Variants in ENTHD1 observed in about 807,000 individuals in gnomAD.
The protein encoded by ENTHD1 is ENTH domain-containing protein 1.
A neutral mutation model predicts 39.1 loss-of-function variants in ENTHD1; 23 were observed. The observed-to-expected ratio is 0.59, with a 90% CI of 0.42 to 0.83. The LOEUF is 0.83. Ranked by LOEUF, ENTHD1 falls within the 40% of genes least tolerant of loss-of-function variation. The probability of loss-of-function intolerance (pLI) is 0.00; values close to 1 mark genes in which losing one functional copy is unlikely to be tolerated. For missense variants in ENTHD1, 624 were observed against 705.4 expected (o/e 0.88, Z 1.31); for synonymous variants, 230 against 258.2 (o/e 0.89, Z 1.05).
intron 6 of ENTHD1, among the ~76,000 whole-genome samples, chr22:39,757,015 A>G (rs1023648474): frequency 3.4e-4 from 35 of 104,432 alleles, no homozygotes; most frequent in African/African-American, 7.8e-4. Context: ...AATTTCTACC[A>G]AAAAAAAAAA....
At chr22:39,859,012 A>T (rs2146720109) in intron 3 of ENTHD1, among the ~76,000 whole-genome samples, 1 of 152,330 alleles carries the variant, frequency 6.6e-6, no homozygotes, top group South Asian at 2.1e-4. Flanking sequence ...CCTTAGCTAG[A>T]TCTTCTGGAT....
At chr22:39,839,189 C>CA (rs372120060) in intron 3 of ENTHD1, among the ~76,000 whole-genome samples, 22 of 148,910 alleles carry the variant, frequency 1.5e-4, no homozygotes, top group South Asian at 2.1e-4. Flanking sequence ...TTATGCAAAA[C>CA]AAAAAAAAAT....
intron 2 of ENTHD1, among the ~76,000 whole-genome samples, chr22:39,866,373 T>G (rs1344029155): frequency 6.6e-6 from 1 of 152,252 alleles, no homozygotes; most frequent in Non-Finnish European, 1.5e-5. Flanking sequence ...ACAAGGTCCC[T>G]GCACTTGTGA....
At chr22:39,876,163 A>T in intron 2 of ENTHD1, 1 of 1,510,438 alleles carries the variant, frequency 6.6e-7, no homozygotes, top group Non-Finnish European at 8.9e-7. Context: ...ATGTCACCTC[A>T]GGAGACTTAT....
At chr22:39,773,323 C>T (rs1034132315) in intron 5 of ENTHD1, among the ~76,000 whole-genome samples, 1 of 152,064 alleles carries the variant, frequency 6.6e-6, no homozygotes, top group Non-Finnish European at 1.5e-5. Flanking sequence ...GCAGAAAACA[C>T]ATTTTCTTTG....
intron 5 of ENTHD1, among the ~76,000 whole-genome samples, chr22:39,784,484 A>G (rs1289005506): frequency 6.6e-6 from 1 of 151,950 alleles, no homozygotes; most frequent in Non-Finnish European, 1.5e-5. Context: ...CAGCCAACAT[A>G]TAGAATCAAC....
At chr22:39,845,377 T>C (rs1319382924) in intron 3 of ENTHD1, among the ~76,000 whole-genome samples, 1 of 152,178 alleles carries the variant, frequency 6.6e-6, no homozygotes, top group East Asian at 1.9e-4. Context: ...CCTTAACCGT[T>C]ATACTCTACC....
At chr22:39,794,976 C>T (rs192329550) in intron 5 of ENTHD1, among the ~76,000 whole-genome samples, 3 of 152,102 alleles carry the variant, frequency 2.0e-5, no homozygotes, top group African/African-American at 4.8e-5. Context: ...TATCATGAAG[C>T]GTCATTGGAT....
At chr22:39,749,956 G>A (rs2146532892) in intron 6 of ENTHD1, among the ~76,000 whole-genome samples, 1 of 152,334 alleles carries the variant, frequency 6.6e-6, no homozygotes, top group South Asian at 2.1e-4. Context: ...CGTACTCCTG[G>A]ACCAGGATCA....
chr22:39,777,399 C>CGT (rs148948012), intron 5 of ENTHD1, among the ~76,000 whole-genome samples: 10 of 151,332 alleles, frequency 6.6e-5, no homozygotes, highest in South Asian at 2.1e-4. Flanking sequence ...TGATTGTGTG[C>CGT]GTGTGTGTGT....
intron 2 of ENTHD1, among the ~76,000 whole-genome samples, chr22:39,871,875 T>C (rs1417675338): frequency 6.6e-6 from 1 of 152,234 alleles, no homozygotes; most frequent in African/African-American, 2.4e-5. Context: ...ACCTAAAGCC[T>C]GTAACATATG....
chr22:39,887,161 C>A (rs1473757432), intron 2 of ENTHD1, among the ~76,000 whole-genome samples: 4 of 152,092 alleles, frequency 2.6e-5, no homozygotes, highest in African/African-American at 9.7e-5. Context: ...ATAAAATGAT[C>A]CCCCAAAACT....
chr22:39,837,509 G>A (rs559376818), intron 3 of ENTHD1, among the ~76,000 whole-genome samples: 8 of 152,164 alleles, frequency 5.3e-5, no homozygotes, highest in Non-Finnish European at 5.9e-5. Flanking sequence ...TTAAAAATAC[G>A]AACATAGAGG....
chr22:39,876,565 G>A (rs1366713021), intron 2 of ENTHD1, among the ~76,000 whole-genome samples: 1 of 151,702 alleles, frequency 6.6e-6, no homozygotes, highest in South Asian at 2.1e-4. Context: ...CTCTGGAGAG[G>A]AGGGAAAGCA....
intron 2 of ENTHD1, chr22:39,875,160 TA>T (rs2146752308): frequency 4.1e-6 from 2 of 490,402 alleles, no homozygotes; most frequent in East Asian, 8.6e-5. Flanking sequence ...GATATTCTGA[TA>T]TACATAACAA....
At chr22:39,846,150 A>G (rs2065986456) in intron 3 of ENTHD1, among the ~76,000 whole-genome samples, 1 of 152,182 alleles carries the variant, frequency 6.6e-6, no homozygotes, top group Admixed American at 6.5e-5. Flanking sequence ...AAAATGGATA[A>G]AAGATTTAAA....
chr22:39,810,932 A>T (rs756203348), intron 5 of ENTHD1, among the ~76,000 whole-genome samples: 1 of 152,200 alleles, frequency 6.6e-6, no homozygotes, highest in Non-Finnish European at 1.5e-5. Context: ...GTCCTTCAAT[A>T]GAGGCAAGAG....
At chr22:39,813,982 TA>T (rs2065713185) in intron 5 of ENTHD1, among the ~76,000 whole-genome samples, 1 of 152,030 alleles carries the variant, frequency 6.6e-6, no homozygotes, top group African/African-American at 2.4e-5. Flanking sequence ...TACCTAGGAC[TA>T]AACCTAACGA....
chr22:39,800,151 A>G (rs2041947821), intron 5 of ENTHD1, among the ~76,000 whole-genome samples: 1 of 152,192 alleles, frequency 6.6e-6, no homozygotes, highest in African/African-American at 2.4e-5. Context: ...AATGTTGGCC[A>G]TGAGGATTTC....
Sources: allele counts gnomAD v4.1 joint callset (sites outside exome capture counted in the v4.1 genomes callset), GRCh38; gene constraint gnomAD v4.1.1; transcripts MANE v1.5; gene names NCBI Gene and HGNC (gene_info 2026-07-23, HGNC 2026-07-21).